The following MSRA variants were observed in gnomAD, a reference collection of about 807,000 sequenced individuals.
MSRA encodes methionine sulfoxide reductase A.
A neutral mutation model predicts 31.3 loss-of-function variants in MSRA; 54 were observed. The observed-to-expected ratio is 1.73, with a 90% confidence interval of 1.39 to 2.17. The LOEUF is 2.17. MSRA is among the 30% of genes most tolerant of loss of function. The pLI, the probability that MSRA is intolerant of heterozygous loss-of-function variation, is 0.00. For synonymous variants in MSRA, 169 were observed against 116.5 expected (o/e 1.45, Z -2.90); for missense variants, 507 against 300.9 (o/e 1.69, Z -5.07).
chr8:10,207,870 T>A lies in MSRA; in HGVS notation c.180T>A (p.Pro60=). The A allele has an allele frequency of 6.2e-7, 1 of 1,612,974 alleles. No homozygotes were observed. ...TCAATGGCAACAGAACAGTCGAACCTTTCCCAGAGGGAACACAGATGGCTG... is the reference window on the plus strand; with the variant it reads ...TCAATGGCAACAGAACAGTCGAACCATTCCCAGAGGGAACACAGATGGCTG... ...HHVNGNRTVE[P]FPEGTQMAVF... Residue 60 remains proline, a synonymous_variant, in exon 2 of 6, where the codon CCT becomes CCA. Coordinates refer to ENST00000317173, the MANE Select transcript of MSRA (RefSeq NM_012331.5).
intron 1 of MSRA, among the ~76,000 whole-genome samples, chr8:10,203,450 T>A (rs189571178): frequency 4.6e-5 from 7 of 152,312 alleles, no homozygotes; most frequent in Admixed American, 4.6e-4. Context: ...CAACAAGGGA[T>A]TATGTATATG....
chr8:10,255,529 C>T (rs76216297), intron 3 of MSRA, among the ~76,000 whole-genome samples: 1 of 152,178 alleles, frequency 6.6e-6, no homozygotes, highest in Non-Finnish European at 1.5e-5. Flanking sequence ...GCGACTGTCA[C>T]ACCAGTGCCC....
chr8:10,134,578 C>G (rs754450584), intron 1 of MSRA, among the ~76,000 whole-genome samples: 2 of 152,224 alleles, frequency 1.3e-5, no homozygotes, highest in Non-Finnish European at 2.9e-5. Flanking sequence ...CATCCTGCGG[C>G]ACAGGCTCGA....
chr8:10,173,661 C>T (rs1180590016), intron 1 of MSRA, among the ~76,000 whole-genome samples: 2 of 152,202 alleles, frequency 1.3e-5, no homozygotes, highest in Non-Finnish European at 2.9e-5. Context: ...TCCGGGCTTG[C>T]AGCCAGGCTC....
chr8:10,249,816 A>C (rs933465192), intron 3 of MSRA, among the ~76,000 whole-genome samples: 1 of 152,214 alleles, frequency 6.6e-6, no homozygotes, highest in African/African-American at 2.4e-5. Context: ...AGAGTCATCC[A>C]TCCATTTCTG....
chr8:10,227,912 A>C (rs1213052698), intron 2 of MSRA, among the ~76,000 whole-genome samples: 3 of 151,552 alleles, frequency 2.0e-5, no homozygotes, highest in African/African-American at 7.3e-5. Context: ...ATTTTCAGAA[A>C]AGTAAAGAGC....
chr8:10,354,967 C>T (rs1804424275), intron 5 of MSRA, among the ~76,000 whole-genome samples: 1 of 151,982 alleles, frequency 6.6e-6, no homozygotes, highest in African/African-American at 2.4e-5. Flanking sequence ...TGGTTAGTTC[C>T]CTAGAATAAG....
intron 2 of MSRA, among the ~76,000 whole-genome samples, chr8:10,236,347 G>A (rs532325480): frequency 1.4e-4 from 22 of 152,290 alleles, no homozygotes; most frequent in Admixed American, 1.4e-3. Context: ...TTCTGTATAG[G>A]AAATCAATGA....
intron 5 of MSRA, among the ~76,000 whole-genome samples, chr8:10,393,985 C>G (rs957006976): frequency 3.3e-5 from 5 of 152,204 alleles, no homozygotes; most frequent in African/African-American, 4.8e-5. Context: ...TGTAAGCTTT[C>G]TGCAATCTGT....
At chr8:10,370,504 G>A (rs973360292) in intron 5 of MSRA, among the ~76,000 whole-genome samples, 6 of 152,236 alleles carry the variant, frequency 3.9e-5, no homozygotes, top group Admixed American at 2.0e-4. Flanking sequence ...TTAATGTAAT[G>A]TTGGTTGTCA....
intron 3 of MSRA, among the ~76,000 whole-genome samples, chr8:10,257,440 CTT>C (rs1798242080): frequency 6.6e-6 from 1 of 152,218 alleles, no homozygotes. Flanking sequence ...GAGTTTCGCT[CTT>C]GTTGCCCAGG....
At chr8:10,302,761 CG>C (rs1404918635) in intron 4 of MSRA, among the ~76,000 whole-genome samples, 2 of 152,092 alleles carry the variant, frequency 1.3e-5, no homozygotes, top group East Asian at 1.9e-4. Flanking sequence ...GGAAGGAGGC[CG>C]GGGGCACGAT....
chr8:10,421,885 A>C (rs912380239), intron 5 of MSRA, among the ~76,000 whole-genome samples: 1 of 152,116 alleles, frequency 6.6e-6, no homozygotes, highest in East Asian at 1.9e-4. Flanking sequence ...CCATGGGGGA[A>C]TGTGGAAATG....
At chr8:10,118,507 C>A (rs999735154) in intron 1 of MSRA, among the ~76,000 whole-genome samples, 1 of 152,064 alleles carries the variant, frequency 6.6e-6, no homozygotes, top group African/African-American at 2.4e-5. Flanking sequence ...GTCAGGGGCT[C>A]TCTATTTCCC....
rs7840678 is a variant in MSRA at position 10,067,044 on chromosome 8, A to G, written c.142+12386A>G. ...TTAACTAAAGTCTGTAGTTTACATTAGAGTTCATTTTTGCTATCATCCAGT... is the reference window on the plus strand; with the variant it reads ...TTAACTAAAGTCTGTAGTTTACATTGGAGTTCATTTTTGCTATCATCCAGT... On this transcript the variant is annotated intron_variant, in intron 1 of 5. Transcript: ENST00000317173. Among the ~76,000 whole-genome samples the G allele has an allele frequency of 8.1e-3, 1,227 of 152,246 alleles. 9 individuals are homozygous for G. The highest frequency in any genetic ancestry group is 0.028 in the African/African-American group (1,153 of 41,526).
rs534207651 is a variant in MSRA at position 10,380,626 on chromosome 8, G to A, written c.544-47522G>A. On this transcript the variant is annotated intron_variant, in intron 5 of 5. Coordinates refer to ENST00000317173, the MANE Select transcript of MSRA (RefSeq NM_012331.5). ...ATTTCTTTCCTTTTCTAGACTGAGG[G>A]CCATTTTTTCATCTTTATGTCTCTG... Among the ~76,000 whole-genome samples the A allele has an allele frequency of 2.6e-5, 4 of 152,268 alleles. No homozygotes were observed. In the East Asian group the frequency reaches 7.7e-4, roughly 29 times the overall value.
At chr8:10,276,662 C>T (rs1799337086) in intron 3 of MSRA, among the ~76,000 whole-genome samples, 1 of 152,216 alleles carries the variant, frequency 6.6e-6, no homozygotes, top group African/African-American at 2.4e-5. Flanking sequence ...TGCAAGACAA[C>T]AGAAAGTTAG....
At chr8:10,158,798 G>A (rs1172339011) in intron 1 of MSRA, among the ~76,000 whole-genome samples, 5 of 152,120 alleles carry the variant, frequency 3.3e-5, no homozygotes, top group Non-Finnish European at 7.4e-5. Context: ...ACATTTTGAG[G>A]AACTTCCACA....
intron 3 of MSRA, among the ~76,000 whole-genome samples, chr8:10,249,139 A>T (rs1797784664): frequency 6.6e-6 from 1 of 151,970 alleles, no homozygotes; most frequent in Non-Finnish European, 1.5e-5. Context: ...TGTATCACTA[A>T]CCTCGTGTTC....
Sources: allele counts gnomAD v4.1 joint callset (sites outside exome capture counted in the v4.1 genomes callset), GRCh38; gene constraint gnomAD v4.1.1; transcripts MANE v1.5; gene names NCBI Gene and HGNC (gene_info 2026-07-23, HGNC 2026-07-21).